CNTNAP5: variants seen among roughly 807,000 people sequenced by gnomAD.
CNTNAP5 encodes the protein contactin associated protein family member 5, also known as contactin-associated protein-like 5.
CNTNAP5 carries 72 observed loss-of-function variants against 150.2 expected under a neutral mutation model. The ratio of observed to expected loss-of-function variants is 0.48; its 90% CI spans 0.40 to 0.58. The LOEUF is 0.58. CNTNAP5 is among the 20% of genes least tolerant of loss of function. The pLI, the probability that CNTNAP5 is intolerant of heterozygous loss-of-function variation, is 0.00. For missense variants in CNTNAP5, 1,636 were observed against 1,626.2 expected, an observed-to-expected ratio of 1.01 and a Z score of -0.10; for synonymous variants, 672 against 619.8, an observed-to-expected ratio of 1.08 and a Z score of -1.25.
intron 7 of CNTNAP5, among the ~76,000 whole-genome samples, chr2:124,493,701 T>A (rs1174653049): frequency 6.6e-6 from 1 of 152,058 alleles, no homozygotes; most frequent in Non-Finnish European, 1.5e-5. Flanking sequence ...CCTTCCTATG[T>A]TATAAATATT....
At chr2:124,318,367 C>T (rs1371690560) in intron 3 of CNTNAP5, among the ~76,000 whole-genome samples, 1 of 152,112 alleles carries the variant, frequency 6.6e-6, no homozygotes, top group Admixed American at 6.5e-5. Flanking sequence ...ATTTTAACCA[C>T]TCATTTTTAT....
At chr2:124,301,577 T>C (rs1252015718) in intron 3 of CNTNAP5, among the ~76,000 whole-genome samples, 2 of 152,184 alleles carry the variant, frequency 1.3e-5, no homozygotes, top group Non-Finnish European at 2.9e-5. Flanking sequence ...TACATTATAC[T>C]CCACAAAAGA....
chr2:124,515,756 A>G lies in CNTNAP5; in HGVS notation c.1328-8547A>G, dbSNP rs184819956. Reference sequence around the variant, plus strand: ...GTATGGAAGCCCCAATTCACTAAGTATATTTACTTGGAGCATAATGAACAC... The same window carrying G: ...GTATGGAAGCCCCAATTCACTAAGTGTATTTACTTGGAGCATAATGAACAC... On this transcript the variant is annotated intron_variant, in intron 8 of 23. Coordinates refer to ENST00000682447, the MANE Select transcript of CNTNAP5 (RefSeq NM_001367498.1). Among the ~76,000 whole-genome samples the G allele has an allele frequency of 2.6e-5, 4 of 152,296 alleles. No homozygotes were observed. In the East Asian group the frequency reaches 7.7e-4, roughly 29 times the overall value.
rs150423191 is a variant in CNTNAP5, at chr2:124,607,202, A to C, written c.1757-2599A>C. On this transcript the variant is annotated intron_variant, in intron 11 of 23. Transcript: ENST00000682447. The stretch of plus-strand genomic sequence containing the variant: ...CATCTCAGAGTGTCTCTGGGACCGT[A>C]AGCAACTTAGCTAGGTGGTTCTGTC... Among the ~76,000 whole-genome samples, 36 of 152,310 alleles carry C rather than the reference A, an allele frequency of 2.4e-4. No individual in the cohort carries two copies. In the East Asian group the frequency reaches 7.0e-3, roughly 30 times the overall value.
At chr2:124,077,113 A>G (rs1038713609) in intron 1 of CNTNAP5, among the ~76,000 whole-genome samples, 1 of 152,172 alleles carries the variant, frequency 6.6e-6, no homozygotes, top group Non-Finnish European at 1.5e-5. Context: ...AGAGTGAGGC[A>G]CAGTGGCATA....
At chr2:124,125,044 T>C (rs1437209133) in intron 1 of CNTNAP5, among the ~76,000 whole-genome samples, 1 of 152,132 alleles carries the variant, frequency 6.6e-6, no homozygotes, top group Non-Finnish European at 1.5e-5. Flanking sequence ...AATAACGGGA[T>C]CAAATTCACA....
At chr2:124,339,936 GA>G (rs962026045) in intron 3 of CNTNAP5, among the ~76,000 whole-genome samples, 1 of 151,812 alleles carries the variant, frequency 6.6e-6, no homozygotes, top group African/African-American at 2.4e-5. Context: ...GCGTCAGTCT[GA>G]AAAACATCTT....
At chr2:124,261,854 C>T (rs1281450821) in intron 3 of CNTNAP5, among the ~76,000 whole-genome samples, 4 of 151,936 alleles carry the variant, frequency 2.6e-5, no homozygotes, top group African/African-American at 9.7e-5. Flanking sequence ...CAGGATTTTC[C>T]AATTGAAGGG....
chr2:124,035,584 T>C (rs1242621526), intron 1 of CNTNAP5, among the ~76,000 whole-genome samples: 1 of 152,198 alleles, frequency 6.6e-6, no homozygotes, highest in African/African-American at 2.4e-5. Context: ...GGGGATTCTA[T>C]GAGCTCAGCT....
At chr2:124,297,001 A>G (rs1313289669) in intron 3 of CNTNAP5, among the ~76,000 whole-genome samples, 1 of 152,130 alleles carries the variant, frequency 6.6e-6, no homozygotes, top group Non-Finnish European at 1.5e-5. Context: ...TCCTTTGTCT[A>G]TCACTATCCA....
At chr2:124,572,555 T>G (rs1032442563) in intron 11 of CNTNAP5, among the ~76,000 whole-genome samples, 1 of 152,126 alleles carries the variant, frequency 6.6e-6, no homozygotes, top group Non-Finnish European at 1.5e-5. Flanking sequence ...GTCAGGAGGA[T>G]GTTTTTCAAG....
chr2:124,535,700 C>T (rs1695215287), intron 10 of CNTNAP5, among the ~76,000 whole-genome samples: 1 of 151,956 alleles, frequency 6.6e-6, no homozygotes, highest in African/African-American at 2.4e-5. Flanking sequence ...TCGCTTGAAC[C>T]CAGGAAGCAG....
At chr2:124,706,807 G>GAGAAGAAGAAGAAGA in intron 13 of CNTNAP5, among the ~76,000 whole-genome samples, 1 of 11,796 alleles carries the variant, frequency 8.5e-5, no homozygotes, top group South Asian at 2.5e-3. Flanking sequence ...GGAGGAGGAG[G>GAGAAGAAGAAGAAGA]AGGAGGAGGA....
chr2:124,769,009 A>G (rs753700783), intron 16 of CNTNAP5, among the ~76,000 whole-genome samples: 2 of 152,138 alleles, frequency 1.3e-5, no homozygotes, highest in Non-Finnish European at 2.9e-5. Flanking sequence ...TTAACTCACT[A>G]TGTTAAGGCC....
intron 1 of CNTNAP5, among the ~76,000 whole-genome samples, chr2:124,193,521 A>G (rs758003355): frequency 3.9e-5 from 6 of 152,176 alleles, no homozygotes; most frequent in Non-Finnish European, 7.3e-5. Flanking sequence ...AAGCTGTTTT[A>G]AGATTAACGT....
chr2:124,821,381 A>T (rs1034636875), intron 19 of CNTNAP5, among the ~76,000 whole-genome samples: 7 of 152,210 alleles, frequency 4.6e-5, no homozygotes, highest in African/African-American at 1.7e-4. Context: ...GGCAGCAGGC[A>T]CCAGAATCAC....
chr2:124,903,864 G>A (rs1678468874), intron 22 of CNTNAP5, among the ~76,000 whole-genome samples: 1 of 151,918 alleles, frequency 6.6e-6, no homozygotes. Context: ...GACCAGTCTG[G>A]CCAACATGGC....
chr2:124,541,610 G>C (rs1558946476), intron 10 of CNTNAP5, among the ~76,000 whole-genome samples: 1 of 152,106 alleles, frequency 6.6e-6, no homozygotes, highest in Non-Finnish European at 1.5e-5. Flanking sequence ...CCACGCACTA[G>C]GGGGATAAAT....
intron 19 of CNTNAP5, among the ~76,000 whole-genome samples, chr2:124,841,285 G>T (rs1332767717): frequency 4.6e-5 from 7 of 151,870 alleles, no homozygotes; most frequent in Non-Finnish European, 1.0e-4. Flanking sequence ...ATCGGAGTTT[G>T]GTTTCACCTC....
Sources: gnomAD v4.1 joint callset for allele counts (sites outside exome capture counted in the v4.1 genomes callset) on GRCh38, gnomAD v4.1.1 for gene constraint, MANE v1.5 for transcripts, NCBI Gene and HGNC (gene_info 2026-07-23, HGNC 2026-07-21) for gene names.